Variants in ADGRL3 observed in about 807,000 individuals in gnomAD.
ADGRL3 encodes adhesion G protein-coupled receptor L3, also known as calcium-independent alpha-latrotoxin receptor 3.
In ADGRL3, 62 loss-of-function variants were observed where a neutral mutation model predicts 153.5. The ratio of observed to expected loss-of-function variants is 0.40; its 90% confidence interval spans 0.33 to 0.50. The LOEUF (loss-of-function observed/expected upper bound fraction) is 0.50. Among genes scored for constraint, ADGRL3 ranks in the 20% least tolerant of loss-of-function variants. The pLI, the probability that ADGRL3 is intolerant of heterozygous loss-of-function variation, is 0.47. For synonymous variants in ADGRL3, 710 were observed against 672.5 expected (o/e 1.06, Z -0.86); for missense variants, 1,641 against 1,859.4 (o/e 0.88, Z 2.16).
At chr4:61,420,021 C>A (rs1249877885) in intron 2 of ADGRL3, among the ~76,000 whole-genome samples, 1 of 151,918 alleles carries the variant, frequency 6.6e-6, no homozygotes, top group Non-Finnish European at 1.5e-5. Context: ...AGGCTGGTCT[C>A]AAACTCCTGA....
intron 10 of ADGRL3, among the ~76,000 whole-genome samples, chr4:61,894,232 G>A (rs766587365): frequency 6.6e-6 from 1 of 151,950 alleles, no homozygotes; most frequent in Non-Finnish European, 1.5e-5. Flanking sequence ...TTCTCCTTGG[G>A]TATTATTGAT....
intron 1 of ADGRL3, among the ~76,000 whole-genome samples, chr4:61,338,607 A>G (rs2151091698): frequency 6.6e-6 from 1 of 152,316 alleles, no homozygotes; most frequent in South Asian, 2.1e-4. Flanking sequence ...CTCTGCTCAC[A>G]AACTGAACTG....
intron 26 of ADGRL3, 141 bp downstream of exon 26, chr4:62,068,324 A>G (rs1311306119): frequency 5.1e-6 from 3 of 587,594 alleles, no homozygotes; most frequent in Non-Finnish European, 8.2e-6. Flanking sequence ...ATCGACTTAT[A>G]TAAATATATG....
At chr4:61,670,265 A>G (rs1216225454) in intron 5 of ADGRL3, among the ~76,000 whole-genome samples, 1 of 152,000 alleles carries the variant, frequency 6.6e-6, no homozygotes, top group African/African-American at 2.4e-5. Context: ...CTGCACTCCA[A>G]CTTGGTGACA....
intron 2 of ADGRL3, among the ~76,000 whole-genome samples, chr4:61,414,840 C>A (rs1249284967): frequency 6.6e-6 from 1 of 151,778 alleles, no homozygotes; most frequent in African/African-American, 2.4e-5. Context: ...GTTTTTCAAT[C>A]ATAGTCATAG....
intron 2 of ADGRL3, among the ~76,000 whole-genome samples, chr4:61,401,547 T>G (rs2152116386): frequency 6.6e-6 from 1 of 152,146 alleles, no homozygotes; most frequent in South Asian, 2.1e-4. Context: ...TAGAGCTTTT[T>G]GGGTAAGAGT....
At chr4:61,843,511 GAGGA>G (rs2098065455) in intron 9 of ADGRL3, among the ~76,000 whole-genome samples, 1 of 152,098 alleles carries the variant, frequency 6.6e-6, no homozygotes. Context: ...CAATATGCAA[GAGGA>G]GCCATTGTGG....
At chr4:61,251,047 A>C (rs1759032113) in intron 1 of ADGRL3, among the ~76,000 whole-genome samples, 1 of 152,160 alleles carries the variant, frequency 6.6e-6, no homozygotes. Flanking sequence ...TGTATAAAAA[A>C]CTTCCCAAAT....
chr4:61,205,985 CAT>C (rs1225284946), intron 1 of ADGRL3, among the ~76,000 whole-genome samples: 2 of 152,154 alleles, frequency 1.3e-5, no homozygotes, highest in Admixed American at 1.3e-4. Flanking sequence ...AGAATTGTGA[CAT>C]GTGCTTATGG....
intron 1 of ADGRL3, among the ~76,000 whole-genome samples, chr4:61,224,640 C>G (rs1747113156): frequency 6.6e-6 from 1 of 152,192 alleles, no homozygotes; most frequent in African/African-American, 2.4e-5. Flanking sequence ...GAGGTGCAGA[C>G]ATGAACACAC....
intron 17 of ADGRL3, among the ~76,000 whole-genome samples, chr4:61,978,176 G>T (rs571805013): frequency 6.6e-6 from 1 of 152,164 alleles, no homozygotes; most frequent in Middle Eastern, 3.4e-3. Context: ...GTATCAATTA[G>T]AAAGACAACT....
intron 21 of ADGRL3, among the ~76,000 whole-genome samples, chr4:62,020,221 T>C (rs1428939995): frequency 2.6e-5 from 4 of 152,138 alleles, no homozygotes; most frequent in Admixed American, 2.6e-4. Flanking sequence ...AGTCAGAGCA[T>C]GTTTGGCAAG....
rs1022980348 is a variant in ADGRL3 at position 61,452,896 on chromosome 4, T to TA, written c.-173-44217dup. Among the ~76,000 whole-genome samples, 14 of 152,112 alleles carry TA rather than the reference T, an allele frequency of 9.2e-5. No individual in the cohort carries two copies. In the East Asian group the frequency reaches 1.4e-3, roughly 15 times the overall value. The stretch of plus-strand genomic sequence containing the variant: ...GATTTATTATTACTTTTCTGAGTTT[T>TA]AAAAAAAATATTGTATAGACTAGTT... On this transcript the variant is annotated intron_variant, in intron 2 of 26. Transcript: ENST00000683033.
At chr4:61,343,859 C>A (rs2151183677) in intron 1 of ADGRL3, among the ~76,000 whole-genome samples, 1 of 152,316 alleles carries the variant, frequency 6.6e-6, no homozygotes, top group Admixed American at 6.5e-5. Flanking sequence ...CAATTAAACA[C>A]ACTTTGGGAA....
chr4:61,683,520 A>T (rs935553834), intron 6 of ADGRL3, among the ~76,000 whole-genome samples: 1 of 152,140 alleles, frequency 6.6e-6, no homozygotes, highest in Admixed American at 6.6e-5. Flanking sequence ...GGGGTCTCTT[A>T]TGAACCCACA....
chr4:62,071,648 A>T lies in ADGRL3; in HGVS notation c.*740A>T, dbSNP rs2151938685. On this transcript the variant is annotated 3_prime_UTR_variant, in exon 27 of 27. Coordinates refer to ENST00000683033, the MANE Select transcript of ADGRL3 (RefSeq NM_001387552.1). ...CTGTTAATGTAGTAGAAAAAAAAAA[A>T]AGAAATTTTCTTTTTCTTTTGTGCT... 1 of 382,104 alleles carries T rather than the reference A, an allele frequency of 2.6e-6. No individual in the cohort carries two copies. The highest frequency in any genetic ancestry group is 2.0e-5 in the South Asian group (1 of 50,212). The allele number at this position is 382,104 out of a possible 1,614,324, so 23.7% of individuals were successfully genotyped here.
At chr4:61,544,715 A>G (rs2148691503) in intron 4 of ADGRL3, among the ~76,000 whole-genome samples, 1 of 152,304 alleles carries the variant, frequency 6.6e-6, no homozygotes, top group East Asian at 1.9e-4. Flanking sequence ...TTAGAAATAC[A>G]TTTTTTATGG....
Position 62,074,182 on chromosome 4 carries a change from T to C in ADGRL3, c.*3274T>C, listed in dbSNP as rs1436783879. The C allele has an allele frequency of 6.6e-6, 1 of 152,148 alleles. No individual in the cohort carries two copies. Among genetic ancestry groups the C allele is most frequent in the African/African-American group, 2.4e-5 (1 of 41,430 alleles). 9.4% of individuals were successfully genotyped at this position (152,148 alleles called of 1,614,324 possible). On this transcript the variant is annotated 3_prime_UTR_variant, in exon 27 of 27. Coordinates refer to ENST00000683033, the MANE Select transcript of ADGRL3 (RefSeq NM_001387552.1). ...TTATCTGTATATTTTTATGTGTTCA[T>C]CTGAATTTCCAGTAAGAAGTAAATT...
chr4:61,987,379 T>G (rs1272837765), intron 19 of ADGRL3, among the ~76,000 whole-genome samples: 2 of 151,992 alleles, frequency 1.3e-5, no homozygotes, highest in African/African-American at 4.8e-5. Flanking sequence ...TTCTCAGTGT[T>G]TTTCAGGCTG....
Sources: allele counts gnomAD v4.1 joint callset (sites outside exome capture counted in the v4.1 genomes callset), GRCh38; gene constraint gnomAD v4.1.1; transcripts MANE v1.5; gene names NCBI Gene and HGNC (gene_info 2026-07-23, HGNC 2026-07-21).